Variants in SAMD5 observed in about 807,000 individuals in gnomAD.
SAMD5 encodes sterile alpha motif domain-containing protein 5.
SAMD5 carries 13 observed loss-of-function variants against 11.3 expected under a neutral mutation model. The observed-to-expected ratio is 1.15, with a 90% confidence interval of 0.75 to 1.83. The LOEUF is 1.83. Ranked by LOEUF, SAMD5 falls within the 40% of genes most tolerant of loss-of-function variation. The pLI is 0.00. For synonymous variants in SAMD5, 129 were observed against 111.3 expected (o/e 1.16, Z -1.00); for missense variants, 255 against 239.1 (o/e 1.07, Z -0.44).
At chr6:147,787,513 A>T in the SAMD5 span, among the ~76,000 whole-genome samples, 1 of 152,332 alleles carries the variant, frequency 6.6e-6, no homozygotes, top group Non-Finnish European at 1.5e-5. Flanking sequence ...GCCCTAAAAA[A>T]AATCCACTTG....
At chr6:147,764,703 C>T in the SAMD5 span, among the ~76,000 whole-genome samples, 96 of 152,290 alleles carry the variant, frequency 6.3e-4, no homozygotes, top group Non-Finnish European at 1.1e-3. Context: ...TTCTCTTACA[C>T]CCATTTTTCT....
chr6:147,796,833 T>G, the SAMD5 span, among the ~76,000 whole-genome samples: 1 of 150,888 alleles, frequency 6.6e-6, no homozygotes, highest in Non-Finnish European at 1.5e-5. Flanking sequence ...GAAGCAATTG[T>G]GAATGGGAGT....
chr6:147,552,404 A>T (rs937521326), intron 1 of SAMD5, among the ~76,000 whole-genome samples: 2 of 152,174 alleles, frequency 1.3e-5, no homozygotes, highest in Non-Finnish European at 2.9e-5. Flanking sequence ...ATTTTAATGT[A>T]ATTGAATTTT....
chr6:147,837,468 C>T, the SAMD5 span, among the ~76,000 whole-genome samples: 1 of 152,214 alleles, frequency 6.6e-6, no homozygotes, highest in African/African-American at 2.4e-5. Flanking sequence ...ACATCAGTGA[C>T]ACATAAGAGG....
the SAMD5 span, among the ~76,000 whole-genome samples, chr6:147,821,249 A>T: frequency 7.2e-6 from 1 of 139,470 alleles, no homozygotes; most frequent in East Asian, 1.9e-4. Context: ...AAATTAACAC[A>T]TAGTCTTCTT....
At chr6:147,594,028 C>T (rs1457818714) in intron 1 of SAMD5, among the ~76,000 whole-genome samples, 2 of 151,858 alleles carry the variant, frequency 1.3e-5, no homozygotes, top group Admixed American at 1.3e-4. Context: ...ACTCAGGAGG[C>T]TGAGGCAGGA....
the SAMD5 span, among the ~76,000 whole-genome samples, chr6:147,941,549 TG>T: frequency 2.3e-4 from 35 of 149,224 alleles, no homozygotes; most frequent in East Asian, 1.0e-3. Flanking sequence ...AAATAGAATA[TG>T]TTTTTTTTAG....
At chr6:147,760,704 T>G in the SAMD5 span, among the ~76,000 whole-genome samples, 1 of 152,328 alleles carries the variant, frequency 6.6e-6, no homozygotes, top group South Asian at 2.1e-4. Context: ...AATAAGACAG[T>G]GTAGGCAACC....
At chr6:147,680,926 T>C (rs1353695450) in intron 1 of SAMD5, among the ~76,000 whole-genome samples, 3 of 152,182 alleles carry the variant, frequency 2.0e-5, no homozygotes, top group Admixed American at 2.0e-4. Flanking sequence ...TTTGCATCTG[T>C]GTTCTTGAAT....
chr6:147,800,190 C>A, the SAMD5 span, among the ~76,000 whole-genome samples: 1 of 152,130 alleles, frequency 6.6e-6, no homozygotes, highest in African/African-American at 2.4e-5. Context: ...TTTTCCCCAT[C>A]TTTGTGGTTT....
the SAMD5 span, among the ~76,000 whole-genome samples, chr6:147,939,108 T>A: frequency 6.6e-6 from 1 of 152,132 alleles, no homozygotes; most frequent in Non-Finnish European, 1.5e-5. Flanking sequence ...TACTTACCAT[T>A]ACCAGTTTAT....
intron 1 of SAMD5, among the ~76,000 whole-genome samples, chr6:147,582,615 C>T (rs994379574): frequency 1.3e-5 from 2 of 152,176 alleles, no homozygotes; most frequent in African/African-American, 4.8e-5. Flanking sequence ...TTCTTAGCAG[C>T]GGTCAGTTTT....
chr6:147,648,145 C>T (rs1273919338), intron 1 of SAMD5, among the ~76,000 whole-genome samples: 1 of 152,090 alleles, frequency 6.6e-6, no homozygotes, highest in African/African-American at 2.4e-5. Flanking sequence ...ATAAAGACCT[C>T]CTGAGACTGG....
the SAMD5 span, among the ~76,000 whole-genome samples, chr6:147,745,777 CTTTTTTT>C: frequency 7.8e-4 from 104 of 133,246 alleles, no homozygotes; most frequent in African/African-American, 1.9e-3. Flanking sequence ...TTCTTTCTTT[CTTTTTTT>C]TTTTTTTTTT....
intron 1 of SAMD5, among the ~76,000 whole-genome samples, chr6:147,691,044 G>T (rs1379333982): frequency 6.6e-6 from 1 of 151,338 alleles, no homozygotes; most frequent in Non-Finnish European, 1.5e-5. Flanking sequence ...GCCCAGGCTG[G>T]AGTGCAATGG....
chr6:147,627,505 T>C (rs887311242), intron 1 of SAMD5, among the ~76,000 whole-genome samples: 4 of 152,218 alleles, frequency 2.6e-5, no homozygotes, highest in Non-Finnish European at 5.9e-5. Context: ...AATATTTCTA[T>C]TGCAATAAAT....
chr6:147,684,260 A>T (rs998371783), intron 1 of SAMD5, among the ~76,000 whole-genome samples: 2 of 151,988 alleles, frequency 1.3e-5, no homozygotes, highest in South Asian at 2.1e-4. Flanking sequence ...CCTCCATGTT[A>T]TTGCTTGTTG....
chr6:147,890,098 G>C, the SAMD5 span, among the ~76,000 whole-genome samples: 1 of 151,962 alleles, frequency 6.6e-6, no homozygotes, highest in Non-Finnish European at 1.5e-5. Context: ...TAAATGTTTT[G>C]AACCAGGAAG....
At chr6:147,898,469 T>C in the SAMD5 span, among the ~76,000 whole-genome samples, 1 of 152,204 alleles carries the variant, frequency 6.6e-6, no homozygotes, top group Non-Finnish European at 1.5e-5. Flanking sequence ...AGTGCCTGGA[T>C]GGGCACTTCC....
Sources: allele counts gnomAD v4.1 joint callset (sites outside exome capture counted in the v4.1 genomes callset), GRCh38; gene constraint gnomAD v4.1.1; transcripts MANE v1.5; gene names NCBI Gene and HGNC (gene_info 2026-07-23, HGNC 2026-07-21).